The following SASH1 variants were observed in gnomAD, a reference collection of about 807,000 sequenced individuals.
SASH1 encodes SAM and SH3 domain-containing protein 1.
Under a neutral mutation model 125.2 loss-of-function variants are expected in SASH1, and 44 were observed. That is an observed-to-expected ratio of 0.35 (90% CI 0.28 to 0.45). SASH1 has a LOEUF of 0.45. Among genes scored for constraint, SASH1 ranks in the 20% least tolerant of loss-of-function variants. The probability of loss-of-function intolerance (pLI) is 1.00; values close to 1 mark genes in which losing one functional copy is unlikely to be tolerated. For synonymous variants in SASH1, 639 were observed against 649.1 expected, an observed-to-expected ratio of 0.98 and a Z score of 0.24; for missense variants, 1,426 against 1,614.5, an observed-to-expected ratio of 0.88 and a Z score of 2.00.
intron 8 of SASH1, chr6:148,508,602 T>C (rs1344478927): frequency 2.6e-6 from 3 of 1,144,082 alleles, no homozygotes; most frequent in East Asian, 1.3e-4. Context: ...TTGCGAGTTA[T>C]GCAGTTAGCA....
At chr6:148,257,540 C>A in the SASH1 span, among the ~76,000 whole-genome samples, 3 of 151,888 alleles carry the variant, frequency 2.0e-5, no homozygotes, top group Non-Finnish European at 2.9e-5. Context: ...TTTCAGTATG[C>A]TTCTCCCACA....
At chr6:148,249,861 A>G in the SASH1 span, among the ~76,000 whole-genome samples, 278 of 152,320 alleles carry the variant, frequency 1.8e-3, 1 homozygote, top group Admixed American at 0.016. Context: ...CTCAATAGAC[A>G]GTAATGGTCA....
chr6:148,315,899 G>A lies in SASH1; in HGVS notation n.74+43522G>A, dbSNP rs540687076. 4.6e-5 allele frequency among the ~76,000 whole-genome samples: 7 copies of A among 152,160 alleles called. No individual in the cohort carries two copies. In the East Asian group the frequency reaches 1.2e-3, roughly 25 times the overall value. On this transcript the variant is annotated intron_variant and non_coding_transcript_variant, in intron 1 of 3. Coordinates refer to the SASH1 transcript ENST00000367469. ...AGCCTGAGCCATAGATCAAGACCCT[G>A]TGTCAAGGAAAAAATAAAAGCCTCG...
At chr6:148,367,465 A>G (rs1467509348) in intron 1 of SASH1, among the ~76,000 whole-genome samples, 1 of 152,224 alleles carries the variant, frequency 6.6e-6, no homozygotes, top group African/African-American at 2.4e-5. Flanking sequence ...GCAGGTCTGC[A>G]GGGAAACAGA....
intron 1 of SASH1, among the ~76,000 whole-genome samples, chr6:148,384,099 A>G (rs936856076): frequency 2.6e-5 from 4 of 152,218 alleles, no homozygotes; most frequent in African/African-American, 7.2e-5. Flanking sequence ...ACCAGGTTCT[A>G]TGAGAAGAAA....
intron 18 of SASH1, 90 bp from the exon 19 acceptor site, chr6:148,545,925 T>G: frequency 8.4e-6 from 11 of 1,306,242 alleles, no homozygotes; most frequent in South Asian, 1.4e-5. Flanking sequence ...TAAGTGACAG[T>G]GAGACCCTAC....
chr6:148,522,862 A>G (rs1468999596), intron 10 of SASH1, among the ~76,000 whole-genome samples: 1 of 152,206 alleles, frequency 6.6e-6, no homozygotes, highest in Non-Finnish European at 1.5e-5. Context: ...TTTTGAAGGA[A>G]TGCTGTTTAA....
chr6:148,271,595 T>C (rs935358389), upstream of SASH1, among the ~76,000 whole-genome samples: 1 of 152,190 alleles, frequency 6.6e-6, no homozygotes, highest in Non-Finnish European at 1.5e-5. Context: ...AAAATTCATG[T>C]TTTTGTAACT....
chr6:148,546,231 G>A, intron 19 of SASH1, 85 bp downstream of exon 19: 1 of 1,489,740 alleles, frequency 6.7e-7, no homozygotes, highest in East Asian at 2.3e-5. Flanking sequence ...TGCCAAGTAG[G>A]CAAGGGCTTG....
At chr6:148,272,300 A>G, upstream of SASH1, 1 of 468,684 alleles carries the variant, frequency 2.1e-6, no homozygotes, top group Admixed American at 2.4e-5. Context: ...GATTCATGCG[A>G]TCTGAGTCAG....
At chr6:148,327,287 C>CTTT (rs757257278) in intron 1 of SASH1, among the ~76,000 whole-genome samples, 3 of 140,994 alleles carry the variant, frequency 2.1e-5, no homozygotes, top group Non-Finnish European at 3.1e-5. Context: ...ATATAAATTT[C>CTTT]TTTTTTTTTT....
intron 2 of SASH1, among the ~76,000 whole-genome samples, chr6:148,413,810 T>A (rs1784718260): frequency 6.6e-6 from 1 of 152,140 alleles, no homozygotes; most frequent in Non-Finnish European, 1.5e-5. Flanking sequence ...GGGCCTCTCC[T>A]TCTGCTCCCC....
chr6:148,235,722 AG>A, the SASH1 span, among the ~76,000 whole-genome samples: 1 of 152,180 alleles, frequency 6.6e-6, no homozygotes, highest in Non-Finnish European at 1.5e-5. Flanking sequence ...AAATAATTGT[AG>A]ATGCAAAGAG....
chr6:148,470,915 G>C (rs1308300475), intron 5 of SASH1, among the ~76,000 whole-genome samples: 1 of 152,070 alleles, frequency 6.6e-6, no homozygotes, highest in African/African-American at 2.4e-5. Flanking sequence ...CCTGACCTGT[G>C]GGCCCAGGAC....
intron 1 of SASH1, among the ~76,000 whole-genome samples, chr6:148,312,211 G>A (rs931526106): frequency 6.6e-6 from 1 of 152,172 alleles, no homozygotes; most frequent in Non-Finnish European, 1.5e-5. Context: ...TATCTTGACT[G>A]TCATGCTGGT....
At chr6:148,228,650 G>A in the SASH1 span, among the ~76,000 whole-genome samples, 1 of 152,316 alleles carries the variant, frequency 6.6e-6, no homozygotes, top group Middle Eastern at 3.4e-3. Context: ...GTTAGCTGGA[G>A]CCATTACCAA....
intron 8 of SASH1, among the ~76,000 whole-genome samples, chr6:148,494,971 C>A (rs1309029496): frequency 6.6e-6 from 1 of 152,144 alleles, no homozygotes; most frequent in Non-Finnish European, 1.5e-5. Context: ...TAAACATGTG[C>A]CTCTCCAGTG....
intron 8 of SASH1, among the ~76,000 whole-genome samples, chr6:148,509,738 G>A (rs773174597): frequency 2.6e-5 from 4 of 152,216 alleles, no homozygotes; most frequent in Admixed American, 6.5e-5. Flanking sequence ...GGTTTACTTG[G>A]AGCAGGGAGA....
Position 148,546,009 on chromosome 6 carries a change from T to C in SASH1, c.3349-6T>C. The C allele has an allele frequency of 1.2e-6, 2 of 1,612,942 alleles. No homozygotes were observed. Among genetic ancestry groups the C allele is most frequent in the Middle Eastern group, 1.7e-4 (1 of 6,058 alleles). On this transcript the variant is annotated splice_polypyrimidine_tract_variant and splice_region_variant and intron_variant, in intron 18 of 19. Coordinates refer to ENST00000367467, the MANE Select transcript of SASH1 (RefSeq NM_015278.5). ...CTTGATGTCATATTCCTGTTCTCCCTGGCAGCATGGCCGCTGTGGGATTCC... is the reference window on the plus strand; with the variant it reads ...CTTGATGTCATATTCCTGTTCTCCCCGGCAGCATGGCCGCTGTGGGATTCC...
Sources: gnomAD v4.1 joint callset for allele counts (sites outside exome capture counted in the v4.1 genomes callset) on GRCh38, gnomAD v4.1.1 for gene constraint, MANE v1.5 for transcripts, NCBI Gene and HGNC (gene_info 2026-07-23, HGNC 2026-07-21) for gene names.